The following CCDC138 variants were observed in gnomAD, a reference collection of about 807,000 sequenced individuals.
CCDC138 encodes the protein coiled-coil domain containing 138.
CCDC138 carries 66 observed loss-of-function variants against 82.3 expected under a neutral mutation model. The observed-to-expected ratio is 0.80, with a 90% confidence interval of 0.66 to 0.98. The LOEUF (loss-of-function observed/expected upper bound fraction) is 0.98. CCDC138 is among the 50% of genes least tolerant of loss of function. The pLI, the probability that CCDC138 is intolerant of heterozygous loss-of-function variation, is 0.00. For synonymous variants in CCDC138, 297 were observed against 265.4 expected (o/e 1.12, Z -1.16); for missense variants, 816 against 758.9 (o/e 1.08, Z -0.88).
chr2:108,808,897 C>T lies in CCDC138; in HGVS notation c.856-3734C>T, dbSNP rs188694252. Reference sequence around the variant, plus strand: ...CTTATCCATAGTATCTTTGCCCAGGCGATTGTCGTGAACTATTTCCCATTT... The same window carrying T: ...CTTATCCATAGTATCTTTGCCCAGGTGATTGTCGTGAACTATTTCCCATTT... On this transcript the variant is annotated intron_variant, in intron 7 of 14. Coordinates refer to ENST00000295124, the MANE Select transcript of CCDC138 (RefSeq NM_144978.3). Among the ~76,000 whole-genome samples the T allele has an allele frequency of 2.0e-4, 31 of 152,118 alleles. 1 individual carries two copies. Among genetic ancestry groups the T allele is most frequent in the East Asian group, 1.9e-4 (1 of 5,182 alleles).
intron 10 of CCDC138, among the ~76,000 whole-genome samples, chr2:108,818,875 A>G (rs1298122083): frequency 6.6e-6 from 1 of 151,946 alleles, no homozygotes; most frequent in Non-Finnish European, 1.5e-5. Context: ...GATGGATTTA[A>G]TATTTAAAAA....
At chr2:108,792,261 T>C (rs530816677) in intron 4 of CCDC138, among the ~76,000 whole-genome samples, 2 of 152,190 alleles carry the variant, frequency 1.3e-5, no homozygotes, top group Non-Finnish European at 2.9e-5. Flanking sequence ...TTGATAATAC[T>C]GGTGCTGGTA....
chr2:108,802,499 A>G (rs1358788692), intron 6 of CCDC138, among the ~76,000 whole-genome samples: 2 of 145,360 alleles, frequency 1.4e-5, no homozygotes, highest in African/African-American at 5.4e-5. Context: ...GACTTTGCTG[A>G]AGTTGCTTAT....
chr2:108,858,368 AAC>A (rs1428527424), intron 13 of CCDC138, among the ~76,000 whole-genome samples: 1 of 152,144 alleles, frequency 6.6e-6, no homozygotes, highest in African/African-American at 2.4e-5. Context: ...AAACAAAAAA[AAC>A]ACCAACGCTG....
At chr2:108,874,900 T>G (rs1345588502) in intron 14 of CCDC138, among the ~76,000 whole-genome samples, 1 of 142,606 alleles carries the variant, frequency 7.0e-6, no homozygotes, top group Non-Finnish European at 1.5e-5. Context: ...ATTTAATTCT[T>G]TTTTACTTCT....
At chr2:108,794,431 T>G (rs1680501819) in intron 4 of CCDC138, 109 bp from the exon 5 acceptor site, 1 of 1,033,606 alleles carries the variant, frequency 9.7e-7, no homozygotes, top group Non-Finnish European at 1.3e-6. Flanking sequence ...CTTGAAACTT[T>G]TTAATGTTAT....
chr2:108,848,097 AAAT>A (rs1397580782), intron 12 of CCDC138, among the ~76,000 whole-genome samples: 1 of 152,246 alleles, frequency 6.6e-6, no homozygotes. Context: ...ACTAAAGATC[AAAT>A]AATATTAGTA....
At chr2:108,842,150 C>G (rs1195311032) in intron 11 of CCDC138, among the ~76,000 whole-genome samples, 1 of 152,000 alleles carries the variant, frequency 6.6e-6, no homozygotes, top group Non-Finnish European at 1.5e-5. Context: ...GCCTCAGCCT[C>G]CTGTGTAGCT....
chr2:108,878,861 A>C (rs572054134), downstream of CCDC138, among the ~76,000 whole-genome samples: 72 of 152,320 alleles, frequency 4.7e-4, 1 homozygote, highest in African/African-American at 1.7e-3. Context: ...AATGTAAGAT[A>C]AAGAATCCTT....
intron 12 of CCDC138, among the ~76,000 whole-genome samples, chr2:108,855,645 A>G (rs12464296): frequency 0.71 from 107,376 of 152,096 alleles, 41,334 homozygotes; most frequent in East Asian, 0.9. Flanking sequence ...AATTCTACCA[A>G]TGGTAAAAAT....
chr2:108,869,664 T>C (rs1455940599), intron 13 of CCDC138, among the ~76,000 whole-genome samples: 1 of 151,902 alleles, frequency 6.6e-6, no homozygotes, highest in African/African-American at 2.4e-5. Context: ...AATTAAGACA[T>C]TTACAGGCAG....
chr2:108,790,807 A>C (rs1679785509), intron 3 of CCDC138, among the ~76,000 whole-genome samples: 1 of 152,202 alleles, frequency 6.6e-6, no homozygotes, highest in Non-Finnish European at 1.5e-5. Flanking sequence ...CTGTGAGTGC[A>C]GTAGCATAAT....
rs146826941 is a variant in CCDC138, at chr2:108,829,413, A to G, written c.1207-9772A>G. On this transcript the variant is annotated intron_variant, in intron 10 of 14. Coordinates refer to ENST00000295124, the MANE Select transcript of CCDC138 (RefSeq NM_144978.3). ...TAACATCACTACTCTCTAAGGAAAT[A>G]CAAAACCACAGTAAGATACCACTTA... Among the ~76,000 whole-genome samples, 760 of 152,362 alleles carry G rather than the reference A, an allele frequency of 5.0e-3. 4 individuals carry two copies. The highest frequency in any genetic ancestry group is 0.021 in the South Asian group (102 of 4,828).
chr2:108,827,032 T>A (rs1021436494), intron 10 of CCDC138, among the ~76,000 whole-genome samples: 1 of 152,228 alleles, frequency 6.6e-6, no homozygotes, highest in Admixed American at 6.5e-5. Context: ...CTTAAATTCA[T>A]TTTTGGATTG....
intron 12 of CCDC138, among the ~76,000 whole-genome samples, chr2:108,849,403 C>T (rs1296036218): frequency 6.6e-6 from 1 of 152,140 alleles, no homozygotes; most frequent in East Asian, 1.9e-4. Context: ...TTTCCTTAGC[C>T]TCCTCTAGAT....
chr2:108,860,824 T>G (rs1270053074), intron 13 of CCDC138, among the ~76,000 whole-genome samples: 1 of 151,766 alleles, frequency 6.6e-6, no homozygotes, highest in African/African-American at 2.4e-5. Flanking sequence ...TTGGAATGAG[T>G]TAGGGAGGAG....
At chr2:108,811,052 C>T (rs1048692409) in intron 7 of CCDC138, among the ~76,000 whole-genome samples, 3 of 151,274 alleles carry the variant, frequency 2.0e-5, no homozygotes, top group Non-Finnish European at 2.9e-5. Context: ...TTTTTGTTTC[C>T]GATTTTTCCG....
intron 4 of CCDC138, among the ~76,000 whole-genome samples, chr2:108,792,833 G>A (rs2149445714): frequency 6.6e-6 from 1 of 152,266 alleles, no homozygotes; most frequent in Non-Finnish European, 1.5e-5. Flanking sequence ...GGGAGGCCGA[G>A]GCGGGTGGAT....
chr2:108,823,615 A>T (rs1053464554), intron 10 of CCDC138, among the ~76,000 whole-genome samples: 4 of 152,240 alleles, frequency 2.6e-5, no homozygotes, highest in African/African-American at 7.2e-5. Flanking sequence ...AGGCAGTTGT[A>T]ACACAATGTG....
Sources: gnomAD v4.1 joint callset for allele counts (sites outside exome capture counted in the v4.1 genomes callset) on GRCh38, gnomAD v4.1.1 for gene constraint, MANE v1.5 for transcripts, NCBI Gene and HGNC (gene_info 2026-07-23, HGNC 2026-07-21) for gene names.